TNFRSF1A: variants seen among roughly 807,000 people sequenced by gnomAD.
TNFRSF1A encodes the protein tumor necrosis factor receptor superfamily member 1A.
Under a neutral mutation model 41.6 loss-of-function variants are expected in TNFRSF1A, and 9 were observed. The observed-to-expected ratio is 0.22, with a 90% CI of 0.13 to 0.38. The LOEUF is 0.38. Among genes scored for constraint, TNFRSF1A ranks in the 10% least tolerant of loss-of-function variants. The probability of loss-of-function intolerance (pLI) is 1.00; values close to 1 mark genes in which losing one functional copy is unlikely to be tolerated. For synonymous variants in TNFRSF1A, 254 were observed against 248.6 expected (o/e 1.02, Z -0.21); for missense variants, 463 against 591.5 (o/e 0.78, Z 2.25).
chr12:6,340,094 T>C (rs904875321), intron 1 of TNFRSF1A, among the ~76,000 whole-genome samples: 8 of 152,192 alleles, frequency 5.3e-5, no homozygotes, highest in African/African-American at 1.9e-4. Flanking sequence ...CAGTAATTAC[T>C]ACTAGTCACA....
chr12:6,332,000 CAA>C (rs750532640), intron 5 of TNFRSF1A: 2,609 of 78,118 alleles, frequency 0.033, 1 homozygote, highest in South Asian at 0.081. Flanking sequence ...GACTCTGTGT[CAA>C]AAAAAAAAAA....
Position 6,337,531 on chromosome 12 carries a change from G to C in TNFRSF1A, c.40-3287C>G, listed in dbSNP as rs1009747125. Among the ~76,000 whole-genome samples the C allele has an allele frequency of 6.6e-6, 1 of 152,086 alleles. No homozygotes were observed. Among genetic ancestry groups the C allele is most frequent in the African/African-American group, 2.4e-5 (1 of 41,392 alleles). On this transcript the variant is annotated intron_variant, in intron 1 of 9. Coordinates refer to ENST00000162749, the MANE Select transcript of TNFRSF1A (RefSeq NM_001065.4). This position sits in a 1 kb window ranked among gnomAD's most constrained non-coding sequence, Gnocchi z 4.6. ...ATGTGTCTGTTCATTTAATGTCAAGGTGTTGGGGGAGGTCGTGGCAGCTTC... is the reference window on the plus strand; with the variant it reads ...ATGTGTCTGTTCATTTAATGTCAAGCTGTTGGGGGAGGTCGTGGCAGCTTC...
In TNFRSF1A at chr12:6,333,800, C is replaced by A; in HGVS notation, c.259G>T (p.Gly87Cys). ...QDTDCRECES[G>C]SFTASENHLR... ...TGGTTTTCTGAAGCGGTGAAGGAGCCGCTCTCACACTCCCTGCAGTCCGTA... is the reference window on the plus strand; with the variant it reads ...TGGTTTTCTGAAGCGGTGAAGGAGCAGCTCTCACACTCCCTGCAGTCCGTA... Residue 87 changes from glycine (G) to cysteine (C), a missense_variant, in exon 3 of 10, where the codon GGC becomes TGC. By Grantham distance (159) the Gly-to-Cys change is radical (BLOSUM62 -3). This residue lies in a region of TNFRSF1A where 149 missense variants were observed against 239.4 expected (regional missense o/e 0.62). Coordinates refer to ENST00000162749, the MANE Select transcript of TNFRSF1A (RefSeq NM_001065.4). This position sits in a 1 kb window ranked among gnomAD's most constrained non-coding sequence, Gnocchi z 6.3. 1 of 1,587,500 alleles carries A rather than the reference C, an allele frequency of 6.3e-7. No individual in the cohort carries two copies. The highest frequency in any genetic ancestry group is 8.6e-7 in the Non-Finnish European group (1 of 1,166,146).
In TNFRSF1A at chr12:6,333,134, C is replaced by T. The variant is rs1163689386; in HGVS notation, c.486G>A (p.Gln162=). 6.2e-7 allele frequency: 1 copy of T among 1,614,224 alleles called. No homozygotes were observed. Among genetic ancestry groups the T allele is most frequent in the Non-Finnish European group, 8.5e-7 (1 of 1,180,044 alleles). ...CTGCATGGCAGGTGCACACGGTGTT[C>T]TGTTTCTCCTGGCCTGTAGGGAGAA... is the stretch of plus-strand genomic sequence containing the variant. ...GTVHLSCQEK[Q]NTVCTCHAGF... The change falls in exon 5 of 10, where the codon CAG becomes CAA. Residue 162 remains glutamine (Q), a synonymous_variant. Coordinates refer to ENST00000162749, the MANE Select transcript of TNFRSF1A (RefSeq NM_001065.4). The surrounding 1 kb of genome is among the most constrained non-coding windows in gnomAD (Gnocchi z 6.3).
rs757703456 is a variant in TNFRSF1A, at chr12:6,330,027, T to C, written c.808A>G (p.Asn270Asp). The change falls in exon 9 of 10, where the codon AAC (asparagine) becomes GAC (aspartate). Residue 270 changes from asparagine to aspartate, a missense_variant. By Grantham distance (23) the Asn-to-Asp change is conservative. This residue lies in a region of TNFRSF1A where 277 missense variants were observed against 288.8 expected (regional missense o/e 0.96). Transcript: ENST00000162749. ...EGTTTKPLAP[N>D]PSFSPTPGFT... ...CCTGGAGTGGGACTGAAGCTTGGGT[T>C]TGGGGCCAGGGGCTTAGTAGTAGTT... is the stretch of plus-strand genomic sequence containing the variant. The C allele has an allele frequency of 1.2e-6, 2 of 1,612,310 alleles. No individual in the cohort carries two copies. The highest frequency in any genetic ancestry group is 2.2e-5 in the South Asian group (2 of 90,920).
intron 1 of TNFRSF1A, among the ~76,000 whole-genome samples, chr12:6,340,224 C>T (rs1948177157): frequency 6.6e-6 from 1 of 152,202 alleles, no homozygotes; most frequent in South Asian, 2.1e-4. Flanking sequence ...ATCACAGTGT[C>T]TAGCCCAGAG....
rs1418921591 is a variant in TNFRSF1A, at chr12:6,330,300, G to A, written c.740-5C>T. Reference sequence around the variant, plus strand: ...CAGGTGTCGATTTCCCACAAACTGAGGAAAAAGAAAGAAAGCATCATAAAT... The same window carrying A: ...CAGGTGTCGATTTCCCACAAACTGAAGAAAAAGAAAGAAAGCATCATAAAT... On this transcript the variant is annotated splice_region_variant and splice_polypyrimidine_tract_variant and intron_variant, in intron 7 of 9. Transcript: ENST00000162749. The A allele has an allele frequency of 1.2e-6, 2 of 1,613,562 alleles. No individual in the cohort carries two copies. The highest frequency in any genetic ancestry group is 1.7e-6 in the Non-Finnish European group (2 of 1,179,542).
At chr12:6,336,665 G>C (rs1948124127) in intron 1 of TNFRSF1A, among the ~76,000 whole-genome samples, 1 of 152,074 alleles carries the variant, frequency 6.6e-6, no homozygotes, top group Non-Finnish European at 1.5e-5. Context: ...CATCAGGTCT[G>C]TGCCCTCCCT....
At chr12:6,335,234 A>G (rs1010075493) in intron 1 of TNFRSF1A, among the ~76,000 whole-genome samples, 2 of 152,146 alleles carry the variant, frequency 1.3e-5, no homozygotes, top group Admixed American at 1.3e-4. Context: ...CGGGGTTGGC[A>G]AGGACAAATG....
At chr12:6,335,337 G>A (rs545769076) in intron 1 of TNFRSF1A, among the ~76,000 whole-genome samples, 26 of 152,148 alleles carry the variant, frequency 1.7e-4, no homozygotes, top group Admixed American at 1.7e-3. Flanking sequence ...AGGTGTGCAG[G>A]ACATAGGCAA....
At position 6,330,845 on chromosome 12, in the gene TNFRSF1A, C is replaced by G. The variant is rs780064698; in HGVS notation, c.625+8G>C. The G allele has an allele frequency of 1.9e-6, 3 of 1,613,050 alleles. No homozygotes were observed. The highest frequency in any genetic ancestry group is 2.7e-5 in the African/African-American group (2 of 74,880). ...GGTGAGCATGGGCACCAGGTCACTT[C>G]TCCTCACCTGAGTCCTCAGTGCCCT... On this transcript the variant is annotated splice_region_variant and intron_variant, in intron 6 of 9. Coordinates refer to ENST00000162749, the MANE Select transcript of TNFRSF1A (RefSeq NM_001065.4).
intron 1 of TNFRSF1A, among the ~76,000 whole-genome samples, chr12:6,340,689 A>G (rs1334087946): frequency 6.6e-6 from 1 of 152,158 alleles, no homozygotes; most frequent in African/African-American, 2.4e-5. Flanking sequence ...AGATTGCTGG[A>G]AGAAAGGAAT....
At position 6,333,249 on chromosome 12, in the gene TNFRSF1A, A is replaced by G; in HGVS notation, c.473-102T>C. 6.5e-7 allele frequency: 1 copy of G among 1,549,374 alleles called. No homozygotes were observed. The highest frequency in any genetic ancestry group is 8.8e-7 in the Non-Finnish European group (1 of 1,131,576). ...GACAGGGTGGGGGCGGCCAGAGAGG[A>G]GTTGGTTGTCAGACCCACAGAATAC... is the stretch of plus-strand genomic sequence containing the variant. On this transcript the variant is annotated intron_variant, in intron 4 of 9. Transcript: ENST00000162749. This position sits in a 1 kb window ranked among gnomAD's most constrained non-coding sequence, Gnocchi z 6.3.
chr12:6,333,504 A>C lies in TNFRSF1A; in HGVS notation c.335T>G (p.Val112Gly). The part of the protein sequence containing the change: ...CSKCRKEMGQ[V>G]EISSCTVDRD... ...GTCCACTGTGCAAGAAGAGATCTCC[A>C]CCTGACCCATTTCTGGTGAGGGGAG... The change falls in exon 4 of 10, where the codon GTG becomes GGG. Residue 112 changes from valine (V) to glycine (G), a missense_variant. Around this residue, in one of 4 missense-constraint regions of TNFRSF1A, gnomAD observed 149 missense variants for 239.4 expected, o/e 0.62. Transcript: ENST00000162749. This position sits in a 1 kb window ranked among gnomAD's most constrained non-coding sequence, Gnocchi z 6.3. The C allele has an allele frequency of 6.2e-7, 1 of 1,614,020 alleles. No individual in the cohort carries two copies. Among genetic ancestry groups the C allele is most frequent in the Non-Finnish European group, 8.5e-7 (1 of 1,179,964 alleles).
rs911561331 is a variant in TNFRSF1A at position 6,341,402 on chromosome 12, C to T, written c.39+374G>A. Reference sequence around the variant, plus strand: ...GGGACAGAATTCAGAACCGTCTGGACTCCCCGAGCACTAATCTTCCTACTC... The same window carrying T: ...GGGACAGAATTCAGAACCGTCTGGATTCCCCGAGCACTAATCTTCCTACTC... On this transcript the variant is annotated intron_variant, in intron 1 of 9. Transcript: ENST00000162749. The surrounding 1 kb of genome is among the most constrained non-coding windows in gnomAD (Gnocchi z 4.6). Among the ~76,000 whole-genome samples the T allele has an allele frequency of 6.6e-6, 1 of 152,222 alleles. No homozygotes were observed. The highest frequency in any genetic ancestry group is 1.5e-5 in the Non-Finnish European group (1 of 68,040).
chr12:6,339,597 A>G (rs1331332548), intron 1 of TNFRSF1A, among the ~76,000 whole-genome samples: 1 of 152,164 alleles, frequency 6.6e-6, no homozygotes, highest in Non-Finnish European at 1.5e-5. Flanking sequence ...GCAGTGGACT[A>G]AGGCTCACCT....
intron 5 of TNFRSF1A, chr12:6,331,688 A>C (rs1055038593): frequency 1.8e-5 from 3 of 170,010 alleles, no homozygotes; most frequent in Non-Finnish European, 3.9e-5. Context: ...AGAACCACAT[A>C]GAATGGTATA....
intron 1 of TNFRSF1A, among the ~76,000 whole-genome samples, chr12:6,336,805 C>T (rs1177185210): frequency 6.6e-6 from 1 of 152,216 alleles, no homozygotes; most frequent in African/African-American, 2.4e-5. Context: ...CTCCATCCCC[C>T]AACACTCCCC....
Position 6,329,816 on chromosome 12 carries a change from T to C in TNFRSF1A, c.1019A>G (p.Lys340Arg), listed in dbSNP as rs757006626. The C allele has an allele frequency of 1.2e-6, 2 of 1,604,738 alleles. No individual in the cohort carries two copies. Among genetic ancestry groups the C allele is most frequent in the Admixed American group, 1.7e-5 (1 of 58,642 alleles). Residue 340 changes from lysine (K) to arginine (R), a missense_variant, in exon 9 of 10, where the codon AAG (lysine) becomes AGG (arginine). By Grantham distance (26) the Lys-to-Arg change is conservative. Around this residue, in one of 4 missense-constraint regions of TNFRSF1A, gnomAD observed 277 missense variants for 288.8 expected, o/e 0.96. Transcript: ENST00000162749. ...ASDPIPNPLQ[K>R]WEDSAHKPQS... ...TGGCTTGTGGGCGCTGTCCTCCCAC[T>C]TCTGAAGGGGGTTGGGGATGGGGTC...
Sources: gnomAD v4.1 joint callset for allele counts (sites outside exome capture counted in the v4.1 genomes callset) on GRCh38, gnomAD v4.1.1 for gene constraint, gnomAD v4.1.1 regional missense constraint, Gnocchi (gnomAD v3.1) non-coding constraint, MANE v1.5 for transcripts, NCBI Gene and HGNC (gene_info 2026-07-23, HGNC 2026-07-21) for gene names.